Variants in DNM3 observed in about 807,000 individuals in gnomAD.
DNM3 encodes dynamin-3.
Under a neutral mutation model 101.6 loss-of-function variants are expected in DNM3, and 47 were observed. The ratio of observed to expected loss-of-function variants is 0.46; its 90% CI spans 0.37 to 0.59. The LOEUF (loss-of-function observed/expected upper bound fraction) is 0.59. Among genes scored for constraint, DNM3 ranks in the 20% least tolerant of loss-of-function variants. DNM3 has a pLI of 0.00. For missense variants in DNM3, 849 were observed against 1,085.7 expected, an observed-to-expected ratio of 0.78 and a Z score of 3.06; for synonymous variants, 385 against 387.9, an observed-to-expected ratio of 0.99 and a Z score of 0.09.
chr1:172,296,158 C>A (rs989527402), intron 15 of DNM3, among the ~76,000 whole-genome samples: 1 of 152,202 alleles, frequency 6.6e-6, no homozygotes, highest in African/African-American at 2.4e-5. Context: ...TAGTGCTGGT[C>A]ACTTTGTGAG....
intron 4 of DNM3, among the ~76,000 whole-genome samples, chr1:172,024,830 C>G (rs1373044707): frequency 1.3e-5 from 2 of 152,238 alleles, no homozygotes; most frequent in Admixed American, 1.3e-4. Flanking sequence ...CCCTTGGGTG[C>G]CTACACCACC....
chr1:172,295,222 C>G (rs2064109652), intron 15 of DNM3, among the ~76,000 whole-genome samples: 2 of 152,092 alleles, frequency 1.3e-5, no homozygotes, highest in African/African-American at 4.8e-5. Context: ...ACCAGAAATC[C>G]AGAGAGGCAA....
At chr1:172,360,935 G>T (rs1485704260) in intron 17 of DNM3, among the ~76,000 whole-genome samples, 1 of 152,008 alleles carries the variant, frequency 6.6e-6, no homozygotes, top group African/African-American at 2.4e-5. Context: ...GGACTGGCAG[G>T]AAATGTAAAT....
intron 14 of DNM3, among the ~76,000 whole-genome samples, chr1:172,192,559 A>C (rs1486862326): frequency 8.1e-6 from 1 of 123,512 alleles, no homozygotes; most frequent in Non-Finnish European, 1.6e-5. Context: ...CCAGAGTGTG[A>C]TGTTCCCCTT....
chr1:172,044,415 G>T lies in DNM3; in HGVS notation c.1159G>T (p.Glu387Ter). Residue 387 changes from glutamate to a stop codon, truncating the protein, a stop_gained, in exon 9 of 21, where the codon GAA becomes TAA. Coordinates refer to ENST00000627582, the MANE Select transcript of DNM3 (RefSeq NM_015569.5). LOFTEE classifies it high-confidence loss of function. ...GTTCAATGAGAAAGAATTGCGAAGA[G>T]AAATAAGCTATGCAATCAAAAACAT... Reference protein sequence around the residue: ...MEFNEKELRREISYAIKNIHG... With the variant: ...MEFNEKELRR 1 of 1,608,922 alleles carries T rather than the reference G, an allele frequency of 6.2e-7. No homozygotes were observed. The highest frequency in any genetic ancestry group is 8.5e-7 in the Non-Finnish European group (1 of 1,177,622).
intron 13 of DNM3, among the ~76,000 whole-genome samples, chr1:172,126,520 T>C (rs1002466704): frequency 6.6e-6 from 1 of 152,208 alleles, no homozygotes; most frequent in Non-Finnish European, 1.5e-5. Context: ...AATTGTCCTG[T>C]AGCTCAGTTG....
chr1:172,150,419 T>C (rs2146901), intron 14 of DNM3, among the ~76,000 whole-genome samples: 39,712 of 151,960 alleles, frequency 0.26, 5,949 homozygotes, highest in East Asian at 0.44. Flanking sequence ...TTCAGTGCCA[T>C]TTCACTGCCA....
chr1:172,116,361 T>C (rs2055891204), intron 13 of DNM3, among the ~76,000 whole-genome samples: 1 of 152,254 alleles, frequency 6.6e-6, no homozygotes, highest in Non-Finnish European at 1.5e-5. Context: ...CCTTGTTCAC[T>C]GACTTCTGCA....
intron 16 of DNM3, among the ~76,000 whole-genome samples, chr1:172,319,744 G>T (rs1388453105): frequency 1.3e-5 from 2 of 152,218 alleles, no homozygotes; most frequent in Non-Finnish European, 2.9e-5. Flanking sequence ...AGATGCTGGA[G>T]AGCATGTGGA....
intron 10 of DNM3, among the ~76,000 whole-genome samples, chr1:172,064,487 C>T (rs1558510720): frequency 1.3e-5 from 2 of 152,100 alleles, no homozygotes; most frequent in East Asian, 3.9e-4. Flanking sequence ...GTGACACAAA[C>T]TGAGCAGGGC....
intron 15 of DNM3, among the ~76,000 whole-genome samples, chr1:172,301,398 A>G (rs1353700272): frequency 2.0e-5 from 3 of 152,134 alleles, no homozygotes; most frequent in African/African-American, 2.4e-5. Context: ...GCAACATGGG[A>G]GGCTGAGGTG....
At chr1:172,253,161 T>C (rs1292916068) in intron 14 of DNM3, among the ~76,000 whole-genome samples, 1 of 152,164 alleles carries the variant, frequency 6.6e-6, no homozygotes, top group African/African-American at 2.4e-5. Flanking sequence ...AGAACATTTT[T>C]GTTAAATATT....
intron 14 of DNM3, among the ~76,000 whole-genome samples, chr1:172,197,894 G>A (rs182946677): frequency 1.4e-4 from 22 of 151,794 alleles, no homozygotes; most frequent in East Asian, 3.9e-4. Context: ...ATTTGGATGC[G>A]CTTTTTTCTT....
At chr1:172,227,271 G>GAGATATATAT (rs1553200054) in intron 14 of DNM3, among the ~76,000 whole-genome samples, 9 of 78,034 alleles carry the variant, frequency 1.2e-4, no homozygotes, top group South Asian at 4.7e-4. Context: ...AGTATTTTGT[G>GAGATATATAT]ATATATATAT....
chr1:172,149,906 G>A (rs551808274), intron 14 of DNM3, among the ~76,000 whole-genome samples: 16 of 152,204 alleles, frequency 1.1e-4, no homozygotes, highest in Admixed American at 4.6e-4. Context: ...GGAAGCATGT[G>A]TGTGAAGGGA....
intron 1 of DNM3, among the ~76,000 whole-genome samples, chr1:171,869,548 T>C (rs2035079631): frequency 6.6e-6 from 1 of 152,258 alleles, no homozygotes; most frequent in Non-Finnish European, 1.5e-5. Flanking sequence ...AAGTTTTTCC[T>C]GTACTAATAT....
At chr1:172,223,826 C>G (rs1356073119) in intron 14 of DNM3, among the ~76,000 whole-genome samples, 4 of 152,206 alleles carry the variant, frequency 2.6e-5, no homozygotes, top group African/African-American at 9.6e-5. Flanking sequence ...TAAGTCTTCT[C>G]TAAGTGTAGC....
chr1:171,892,942 T>C (rs959603402), intron 1 of DNM3, among the ~76,000 whole-genome samples: 4 of 151,900 alleles, frequency 2.6e-5, no homozygotes, highest in African/African-American at 9.7e-5. Context: ...TGCCCACGGG[T>C]CACCTCCTGC....
intron 1 of DNM3, among the ~76,000 whole-genome samples, chr1:171,888,098 T>G (rs1190895685): frequency 1.3e-5 from 2 of 151,930 alleles, no homozygotes; most frequent in Admixed American, 1.3e-4. Context: ...TCTATTCTCT[T>G]ATAGTTAGAA....
Sources: allele counts gnomAD v4.1 joint callset (sites outside exome capture counted in the v4.1 genomes callset), GRCh38; gene constraint gnomAD v4.1.1; transcripts MANE v1.5; gene names NCBI Gene and HGNC (gene_info 2026-07-23, HGNC 2026-07-21).